ARHGAP44: variants seen among roughly 807,000 people sequenced by gnomAD.
ARHGAP44 encodes rho GTPase-activating protein 44.
ARHGAP44 carries 43 observed loss-of-function variants against 106.8 expected under a neutral mutation model. The ratio of observed to expected loss-of-function variants is 0.40; its 90% CI spans 0.32 to 0.52. The LOEUF (loss-of-function observed/expected upper bound fraction) is 0.52. Among genes scored for constraint, ARHGAP44 ranks in the 20% least tolerant of loss-of-function variants. The pLI is 0.48. For missense variants in ARHGAP44, 866 were observed against 1,050.5 expected (o/e 0.82, Z 2.43); for synonymous variants, 439 against 410.3 (o/e 1.07, Z -0.85).
Position 12,796,425 on chromosome 17 carries a change from A to G in ARHGAP44, c.53+6534A>G, listed in dbSNP as rs144564108. On this transcript the variant is annotated intron_variant, in intron 1 of 20. Transcript: ENST00000379672. ...GGGTCAAAGAATATGTGAATTTTTAAGACTTTGAATGTGTATATTATACAC... is the reference window on the plus strand; with the variant it reads ...GGGTCAAAGAATATGTGAATTTTTAGGACTTTGAATGTGTATATTATACAC... Among the ~76,000 whole-genome samples the G allele has an allele frequency of 1.3e-3, 199 of 152,292 alleles. 1 individual carries two copies. Among genetic ancestry groups the G allele is most frequent in the African/African-American group, 4.3e-3 (178 of 41,556 alleles).
chr17:12,919,194 C>T (rs1431033698), intron 5 of ARHGAP44, among the ~76,000 whole-genome samples: 1 of 152,094 alleles, frequency 6.6e-6, no homozygotes, highest in Non-Finnish European at 1.5e-5. Context: ...TGTTAATTAG[C>T]CTGAGTGTAG....
At chr17:12,884,766 A>G (rs1183734645) in intron 1 of ARHGAP44, among the ~76,000 whole-genome samples, 7 of 152,154 alleles carry the variant, frequency 4.6e-5, no homozygotes, top group Non-Finnish European at 1.0e-4. Flanking sequence ...AGGGTGCCTT[A>G]TAAATGAAAT....
In ARHGAP44 at chr17:12,846,518, G is replaced by A. The variant is rs80117851; in HGVS notation, c.54-48422G>A. Among the ~76,000 whole-genome samples, 889 of 152,248 alleles carry A rather than the reference G, an allele frequency of 5.8e-3. 13 individuals carry two copies. Among genetic ancestry groups the A allele is most frequent in the African/African-American group, 0.02 (836 of 41,526 alleles). On this transcript the variant is annotated intron_variant, in intron 1 of 20. Coordinates refer to ENST00000379672, the MANE Select transcript of ARHGAP44 (RefSeq NM_014859.6). ...TTGTGCTTTTTAAAATGATTGTGTC[G>A]TATTTCATTACACTGATACATTGTA...
intron 10 of ARHGAP44, among the ~76,000 whole-genome samples, chr17:12,948,597 G>A (rs2038913029): frequency 6.6e-6 from 1 of 152,126 alleles, no homozygotes; most frequent in African/African-American, 2.4e-5. Flanking sequence ...TTGAACCCGG[G>A]AGGCAGAGGT....
intron 1 of ARHGAP44, among the ~76,000 whole-genome samples, chr17:12,893,813 G>T (rs2037119946): frequency 6.6e-6 from 1 of 152,142 alleles, no homozygotes; most frequent in Non-Finnish European, 1.5e-5. Context: ...TTTTGTTGGG[G>T]TTTGTTTTGT....
chr17:12,800,068 A>G (rs531547257), intron 1 of ARHGAP44, among the ~76,000 whole-genome samples: 173 of 152,356 alleles, frequency 1.1e-3, no homozygotes, highest in Non-Finnish European at 1.1e-3. Flanking sequence ...AGTAAATATC[A>G]TATCCTTAGA....
chr17:12,917,562 G>A (rs966691287), intron 5 of ARHGAP44, among the ~76,000 whole-genome samples: 6 of 152,124 alleles, frequency 3.9e-5, no homozygotes, highest in Admixed American at 2.6e-4. Context: ...TCCATTGTGG[G>A]TGGGTCTTTC....
intron 7 of ARHGAP44, among the ~76,000 whole-genome samples, chr17:12,939,388 C>CTTTA (rs1253068054): frequency 6.6e-6 from 1 of 152,122 alleles, no homozygotes; most frequent in African/African-American, 2.4e-5. Flanking sequence ...CAATACTAAA[C>CTTTA]CTAAGAGAGT....
chr17:12,859,172 G>A (rs2035994665), intron 1 of ARHGAP44, among the ~76,000 whole-genome samples: 1 of 152,146 alleles, frequency 6.6e-6, no homozygotes, highest in African/African-American at 2.4e-5. Flanking sequence ...GCTGTGAGAA[G>A]ATGACGTGAC....
At chr17:12,979,554 G>A (rs2143399045) in intron 18 of ARHGAP44, among the ~76,000 whole-genome samples, 1 of 152,264 alleles carries the variant, frequency 6.6e-6, no homozygotes, top group South Asian at 2.1e-4. Flanking sequence ...CTCCTGCCTG[G>A]GGGGTGGCTG....
chr17:12,915,963 G>A lies in ARHGAP44; in HGVS notation c.339G>A (p.Glu113=). 1.2e-6 allele frequency: 2 copies of A among 1,613,958 alleles called. No homozygotes were observed. The highest frequency in any genetic ancestry group is 1.3e-5 in the African/African-American group (1 of 75,052). ...DKLAQELIHF[E]LQVERDVIEP... ...TGGCTCAGGAGCTGATACATTTTGA[G>A]TTGCAAGTAGAGAGAGACGTGATTG... Residue 113 remains glutamate, a synonymous_variant, in exon 5 of 21, where the codon GAG becomes GAA. Transcript: ENST00000379672.
At chr17:12,938,406 C>G (rs2038608801) in intron 7 of ARHGAP44, among the ~76,000 whole-genome samples, 1 of 151,768 alleles carries the variant, frequency 6.6e-6, no homozygotes, top group Non-Finnish European at 1.5e-5. Context: ...TATACAGTCA[C>G]ATGATTAAAA....
At chr17:12,968,182 G>A (rs2039438135) in intron 16 of ARHGAP44, among the ~76,000 whole-genome samples, 1 of 152,186 alleles carries the variant, frequency 6.6e-6, no homozygotes, top group Non-Finnish European at 1.5e-5. Flanking sequence ...TCCCACTGAT[G>A]AGGCGTCCCG....
rs934079448 is a variant in ARHGAP44 at position 12,833,895 on chromosome 17, G to GT, written c.53+44008dup. On this transcript the variant is annotated intron_variant, in intron 1 of 20. Coordinates refer to ENST00000379672, the MANE Select transcript of ARHGAP44 (RefSeq NM_014859.6). ...AATGTAAGGGGTTGTGGAGACCAAGGTTTTATCATGCGGGTGAAACCTCCA... is the reference window on the plus strand; with the variant it reads ...AATGTAAGGGGTTGTGGAGACCAAGGTTTTTATCATGCGGGTGAAACCTCCA... Among the ~76,000 whole-genome samples, 8 of 152,164 alleles carry GT rather than the reference G, an allele frequency of 5.3e-5. No individual in the cohort carries two copies. The South Asian group carries it at 8.3e-4, about 16-fold the overall frequency.
chr17:12,937,693 A>G (rs1337082417), intron 7 of ARHGAP44, among the ~76,000 whole-genome samples: 2 of 152,226 alleles, frequency 1.3e-5, no homozygotes, highest in Non-Finnish European at 2.9e-5. Flanking sequence ...GTGCTGGACC[A>G]GAAACTGGAA....
Position 12,908,915 on chromosome 17 carries a change from A to C in ARHGAP44, c.217A>C (p.Thr73Pro). Residue 73 changes from threonine to proline, a missense_variant, in exon 4 of 21, where the codon ACA becomes CCA. Physicochemically the swap from Thr to Pro is conservative, Grantham distance 38. This residue lies in a region of ARHGAP44 where 448 missense variants were observed against 646.9 expected (regional missense o/e 0.69). Transcript: ENST00000379672. Reference protein sequence around the residue: ...DKRSKKLPLTTLAQCLMEGSA... With the variant: ...DKRSKKLPLTPLAQCLMEGSA... ...TTTTCAGAAAAAGTTGCCTTTGACA[A>C]CACTGGCTCAGTGTCTGATGGAGGG... 1.2e-6 allele frequency: 2 copies of C among 1,605,046 alleles called. No individual in the cohort carries two copies. The highest frequency in any genetic ancestry group is 1.7e-6 in the Non-Finnish European group (2 of 1,177,530).
At chr17:12,972,602 C>T (rs112627168) in intron 16 of ARHGAP44, among the ~76,000 whole-genome samples, 8,565 of 151,370 alleles carry the variant, frequency 0.057, 775 homozygotes, top group African/African-American at 0.19. Context: ...GAGTGGAGAT[C>T]GCACCATTGC....
chr17:12,789,722 C>A lies in ARHGAP44; in HGVS notation c.-117C>A. 1 of 965,482 alleles carries A rather than the reference C, an allele frequency of 1.0e-6. No individual in the cohort carries two copies. Among genetic ancestry groups the A allele is most frequent in the South Asian group, 2.9e-5 (1 of 34,328 alleles). 59.8% of individuals were successfully genotyped at this position (965,482 alleles called of 1,614,324 possible). ...CGGGCCAGACGGCGCCCGGAGGCTC[C>A]GCAGTGCCGCCGCCGTCGCCCGGGA... is the stretch of plus-strand genomic sequence containing the variant. On this transcript the variant is annotated 5_prime_UTR_variant, in exon 1 of 21. Transcript: ENST00000379672.
chr17:12,827,846 C>G (rs949804645), intron 1 of ARHGAP44, among the ~76,000 whole-genome samples: 1 of 151,914 alleles, frequency 6.6e-6, no homozygotes, highest in African/African-American at 2.4e-5. Context: ...CAAGACCAGC[C>G]TGGCCAACAT....
Sources: gnomAD v4.1 joint callset for allele counts (sites outside exome capture counted in the v4.1 genomes callset) on GRCh38, gnomAD v4.1.1 for gene constraint, gnomAD v4.1.1 regional missense constraint, MANE v1.5 for transcripts, NCBI Gene and HGNC (gene_info 2026-07-23, HGNC 2026-07-21) for gene names.